The following FOXO1 variants were observed in gnomAD, a reference collection of about 807,000 sequenced individuals.
FOXO1 encodes forkhead box O1.
A neutral mutation model predicts 44.1 loss-of-function variants in FOXO1; 6 were observed. The ratio of observed to expected loss-of-function variants is 0.14; its 90% CI spans 0.07 to 0.27. The LOEUF (loss-of-function observed/expected upper bound fraction) is 0.27. FOXO1 is among the 10% of genes least tolerant of loss of function. The pLI, the probability that FOXO1 is intolerant of heterozygous loss-of-function variation, is 1.00. For missense variants in FOXO1, 737 were observed against 888.8 expected, an observed-to-expected ratio of 0.83 and a Z score of 2.17; for synonymous variants, 380 against 362.7, an observed-to-expected ratio of 1.05 and a Z score of -0.54.
chr13:40,559,390 C>A (rs1873886500), intron 2 of FOXO1, 119 bp downstream of exon 2: 1 of 856,426 alleles, frequency 1.2e-6, no homozygotes, highest in Non-Finnish European at 1.7e-6. Context: ...GATAAAAGAT[C>A]CCTCTCTGCA....
intron 1 of FOXO1, among the ~76,000 whole-genome samples, chr13:40,612,068 C>CAATA (rs1252503171): frequency 4.6e-5 from 7 of 151,818 alleles, no homozygotes; most frequent in Admixed American, 1.3e-4. Context: ...GACCCTGTCT[C>CAATA]AATAAATAAA....
At chr13:40,567,345 T>C (rs1395208946) in intron 1 of FOXO1, among the ~76,000 whole-genome samples, 3 of 152,198 alleles carry the variant, frequency 2.0e-5, no homozygotes, top group South Asian at 2.1e-4. Flanking sequence ...ATATAAACTA[T>C]GTATTTTATA....
intron 1 of FOXO1, among the ~76,000 whole-genome samples, chr13:40,614,724 G>A (rs1188100221): frequency 6.6e-6 from 1 of 152,170 alleles, no homozygotes; most frequent in Admixed American, 6.5e-5. Flanking sequence ...GAACCAGAAA[G>A]TCAGGGCTAA....
At chr13:40,617,709 C>G (rs1396552322) in intron 1 of FOXO1, among the ~76,000 whole-genome samples, 1 of 151,904 alleles carries the variant, frequency 6.6e-6, no homozygotes, top group Non-Finnish European at 1.5e-5. Context: ...AAAAAATGAC[C>G]TGAAAATAGG....
At chr13:40,649,399 C>T (rs1021249661) in intron 1 of FOXO1, among the ~76,000 whole-genome samples, 2 of 152,120 alleles carry the variant, frequency 1.3e-5, no homozygotes, top group Non-Finnish European at 2.9e-5. Context: ...TAATTGGAGG[C>T]CCCCAAGTTG....
At chr13:40,571,147 G>A (rs2137837274) in intron 1 of FOXO1, among the ~76,000 whole-genome samples, 1 of 151,562 alleles carries the variant, frequency 6.6e-6, no homozygotes, top group African/African-American at 2.4e-5. Context: ...ATTTCATCTA[G>A]CTAAAATTCT....
At chr13:40,590,691 T>C (rs1024412921) in intron 1 of FOXO1, among the ~76,000 whole-genome samples, 38 of 152,218 alleles carry the variant, frequency 2.5e-4, no homozygotes, top group African/African-American at 8.9e-4. Context: ...GATGTGGAGA[T>C]ATGCTGCAAT....
chr13:40,605,425 A>G (rs1428059550), intron 1 of FOXO1, among the ~76,000 whole-genome samples: 1 of 152,146 alleles, frequency 6.6e-6, no homozygotes, highest in Non-Finnish European at 1.5e-5. Context: ...CGTCAGCATT[A>G]CACACACACA....
Position 40,559,581 on chromosome 13 carries a change from G to C in FOXO1, c.1910C>G (p.Pro637Arg). ...GACACTGTGTGGGAAGCTTTGGTTG[G>C]GCAACACATTGTCAAAGTTAAAATC... ...TLDFNFDNVLPNQSFPHSVKT... is the reference protein window; with the variant it reads ...TLDFNFDNVLRNQSFPHSVKT... Residue 637 changes from proline to arginine, a missense_variant, in exon 2 of 3, where the codon CCC (proline) becomes CGC (arginine). This residue lies in a region of FOXO1 where 45 missense variants were observed against 78.3 expected (regional missense o/e 0.57). Coordinates refer to ENST00000379561, the MANE Select transcript of FOXO1 (RefSeq NM_002015.4). The C allele has an allele frequency of 6.2e-7, 1 of 1,613,456 alleles. No homozygotes were observed.
At chr13:40,564,564 G>A (rs1293352630) in intron 1 of FOXO1, among the ~76,000 whole-genome samples, 3 of 152,202 alleles carry the variant, frequency 2.0e-5, no homozygotes, top group Non-Finnish European at 4.4e-5. Context: ...ACGACGTTGT[G>A]TCTGCACTCC....
At chr13:40,567,614 G>A (rs1874319964) in intron 1 of FOXO1, among the ~76,000 whole-genome samples, 1 of 152,110 alleles carries the variant, frequency 6.6e-6, no homozygotes, top group Admixed American at 6.5e-5. Context: ...CACCTTGAGG[G>A]AGCAGAAATA....
intron 1 of FOXO1, among the ~76,000 whole-genome samples, chr13:40,563,245 G>A (rs577285097): frequency 1.8e-4 from 27 of 152,332 alleles, no homozygotes; most frequent in African/African-American, 6.5e-4. Context: ...CAGAGCCTCT[G>A]CACAGCAGGA....
At chr13:40,645,289 C>T (rs1877473738) in intron 1 of FOXO1, among the ~76,000 whole-genome samples, 1 of 152,132 alleles carries the variant, frequency 6.6e-6, no homozygotes, top group Admixed American at 6.5e-5. Context: ...TCCTATTTAC[C>T]AGAACACTAT....
chr13:40,662,896 G>A (rs962935302), intron 1 of FOXO1, among the ~76,000 whole-genome samples: 2 of 152,202 alleles, frequency 1.3e-5, no homozygotes, highest in South Asian at 2.1e-4. Flanking sequence ...CTTAGAACAG[G>A]AGTCTTTCAG....
intron 1 of FOXO1, among the ~76,000 whole-genome samples, chr13:40,609,349 G>C (rs1402637326): frequency 6.6e-6 from 1 of 152,004 alleles, no homozygotes; most frequent in African/African-American, 2.4e-5. Flanking sequence ...CAAAGGAGAG[G>C]CATACACTTA....
chr13:40,627,185 G>A (rs1029942603), intron 1 of FOXO1, among the ~76,000 whole-genome samples: 1 of 152,088 alleles, frequency 6.6e-6, no homozygotes, highest in African/African-American at 2.4e-5. Flanking sequence ...GTGGGAATCA[G>A]AGCACAAAGT....
intron 1 of FOXO1, among the ~76,000 whole-genome samples, chr13:40,589,497 T>C (rs559662372): frequency 6.6e-6 from 1 of 152,304 alleles, no homozygotes; most frequent in South Asian, 2.1e-4. Context: ...AATAACAGAA[T>C]ATTTCAGAGT....
At chr13:40,640,612 C>A (rs1436691630) in intron 1 of FOXO1, among the ~76,000 whole-genome samples, 1 of 152,192 alleles carries the variant, frequency 6.6e-6, no homozygotes, top group East Asian at 1.9e-4. Flanking sequence ...AAGGACTGAC[C>A]TGTTCTTAGT....
chr13:40,651,064 C>G (rs12585452), intron 1 of FOXO1, among the ~76,000 whole-genome samples: 1 of 151,794 alleles, frequency 6.6e-6, no homozygotes, highest in Non-Finnish European at 1.5e-5. Flanking sequence ...TGAGCCACCA[C>G]GCACTGCCTA....
Sources: allele counts gnomAD v4.1 joint callset (sites outside exome capture counted in the v4.1 genomes callset), GRCh38; gene constraint gnomAD v4.1.1; regional missense constraint gnomAD v4.1.1; transcripts MANE v1.5; gene names NCBI Gene and HGNC (gene_info 2026-07-23, HGNC 2026-07-21).